The following PTPRD variants were observed in gnomAD, a reference collection of about 807,000 sequenced individuals.
PTPRD encodes protein tyrosine phosphatase receptor type D.
A neutral mutation model predicts 214.5 loss-of-function variants in PTPRD; 34 were observed. The ratio of observed to expected loss-of-function variants is 0.16; its 90% CI spans 0.12 to 0.21. The LOEUF is 0.21. PTPRD is among the 10% of genes least tolerant of loss of function. The pLI is 1.00. For synonymous variants in PTPRD, 1,128 were observed against 845.7 expected (o/e 1.33, Z -5.79); for missense variants, 2,545 against 2,398.7 (o/e 1.06, Z -1.27).
intron 5 of PTPRD, among the ~76,000 whole-genome samples, chr9:9,836,380 T>A (rs1266241493): frequency 1.3e-5 from 2 of 152,128 alleles, no homozygotes; most frequent in East Asian, 1.9e-4. Context: ...TAATCTCTGA[T>A]GGGACTGCTG....
At chr9:9,492,981 G>T (rs2095987425) in intron 8 of PTPRD, among the ~76,000 whole-genome samples, 1 of 146,278 alleles carries the variant, frequency 6.8e-6, no homozygotes, top group African/African-American at 2.6e-5. Flanking sequence ...AATGTATGTG[G>T]TCTGACTGCT....
At chr9:8,935,895 C>A (rs912249211) in intron 11 of PTPRD, among the ~76,000 whole-genome samples, 2 of 152,106 alleles carry the variant, frequency 1.3e-5, no homozygotes, top group African/African-American at 4.8e-5. Context: ...GATTCACAAT[C>A]CTTGTGTCTC....
chr9:8,725,435 G>A lies in PTPRD; in HGVS notation c.64+8345C>T, dbSNP rs565949645. The stretch of plus-strand genomic sequence containing the variant: ...AATAAACATTTATTAATGGGACTGT[G>A]AAAGACATGAATGAGCCAATCAGTC... On this transcript the variant is annotated intron_variant, in intron 12 of 45. Transcript: ENST00000381196. 2.2e-4 allele frequency among the ~76,000 whole-genome samples: 33 copies of A among 152,190 alleles called. No individual in the cohort carries two copies. The South Asian group carries it at 6.2e-3, about 29-fold the overall frequency.
chr9:8,957,496 C>T (rs1242746466), intron 11 of PTPRD, among the ~76,000 whole-genome samples: 1 of 151,774 alleles, frequency 6.6e-6, no homozygotes. Flanking sequence ...CAAAATCAAA[C>T]CCTGTCCACT....
At chr9:10,603,469 G>C (rs906997635) in intron 2 of PTPRD, among the ~76,000 whole-genome samples, 4 of 151,780 alleles carry the variant, frequency 2.6e-5, no homozygotes, top group African/African-American at 9.7e-5. Flanking sequence ...CACTTTTTCT[G>C]CTTTTCATGT....
chr9:8,986,302 A>G (rs1054990901), intron 11 of PTPRD, among the ~76,000 whole-genome samples: 2 of 152,024 alleles, frequency 1.3e-5, no homozygotes, highest in African/African-American at 4.8e-5. Flanking sequence ...CTAAATAGAT[A>G]TTATTTTTTA....
chr9:9,249,780 G>C (rs1371168705), intron 9 of PTPRD, among the ~76,000 whole-genome samples: 1 of 152,072 alleles, frequency 6.6e-6, no homozygotes, highest in East Asian at 1.9e-4. Flanking sequence ...TATTTTGTTT[G>C]AAGCTGATGC....
chr9:8,386,782 T>C (rs2087235590), intron 37 of PTPRD, among the ~76,000 whole-genome samples: 1 of 152,222 alleles, frequency 6.6e-6, no homozygotes, highest in African/African-American at 2.4e-5. Flanking sequence ...AATCCAGGAA[T>C]GCCTTCTCCT....
chr9:9,459,067 G>A (rs192698678), intron 8 of PTPRD, among the ~76,000 whole-genome samples: 38 of 152,178 alleles, frequency 2.5e-4, no homozygotes, highest in African/African-American at 8.7e-4. Flanking sequence ...AGAAGCTGGG[G>A]TGTGGAAAAG....
At chr9:9,771,941 G>A (rs1390646974) in intron 5 of PTPRD, among the ~76,000 whole-genome samples, 2 of 152,060 alleles carry the variant, frequency 1.3e-5, no homozygotes, top group Non-Finnish European at 2.9e-5. Context: ...AAACAGATAA[G>A]CATCATTGTT....
At chr9:9,521,809 C>G (rs1290317562) in intron 8 of PTPRD, among the ~76,000 whole-genome samples, 1 of 152,062 alleles carries the variant, frequency 6.6e-6, no homozygotes, top group South Asian at 2.1e-4. Context: ...TGCACTGCAA[C>G]TATAATGGAC....
chr9:9,894,414 G>A (rs1601264766), intron 5 of PTPRD, among the ~76,000 whole-genome samples: 1 of 151,996 alleles, frequency 6.6e-6, no homozygotes, highest in Non-Finnish European at 1.5e-5. Context: ...TCTACAATTT[G>A]CCTTTAGCTC....
rs559733460 is a variant in PTPRD at position 10,328,408 on chromosome 9, G to A, written c.-545+12555C>T. Among the ~76,000 whole-genome samples, 3 of 151,782 alleles carry A rather than the reference G, an allele frequency of 2.0e-5. No homozygotes were observed. In the South Asian group the frequency reaches 6.2e-4, roughly 32 times the overall value. On this transcript the variant is annotated intron_variant, in intron 3 of 45. Coordinates refer to ENST00000381196, the MANE Select transcript of PTPRD (RefSeq NM_002839.4). Reference sequence around the variant, plus strand: ...GGGGTGCTCTTGCCTTAAAAAGTAAGAGCAGCTTTTTATGGTTTTTCAAGA... The same window carrying A: ...GGGGTGCTCTTGCCTTAAAAAGTAAAAGCAGCTTTTTATGGTTTTTCAAGA...
chr9:9,796,879 T>C (rs989567302), intron 5 of PTPRD, among the ~76,000 whole-genome samples: 3 of 152,076 alleles, frequency 2.0e-5, no homozygotes, highest in African/African-American at 4.8e-5. Flanking sequence ...CTTGATGAGT[T>C]TGGAGAGAAG....
At chr9:9,676,407 G>C (rs995735352) in intron 7 of PTPRD, among the ~76,000 whole-genome samples, 13 of 151,706 alleles carry the variant, frequency 8.6e-5, no homozygotes, top group Non-Finnish European at 1.3e-4. Flanking sequence ...ATAGTTTGCT[G>C]AGAATGATGG....
intron 9 of PTPRD, among the ~76,000 whole-genome samples, chr9:9,384,547 G>C (rs766319374): frequency 1.2e-4 from 18 of 150,850 alleles, no homozygotes; most frequent in Non-Finnish European, 2.4e-4. Context: ...TTCCTTTCAT[G>C]GTCTTGGCAC....
intron 39 of PTPRD, among the ~76,000 whole-genome samples, chr9:8,367,410 G>A (rs1012166854): frequency 6.6e-6 from 1 of 152,132 alleles, no homozygotes; most frequent in African/African-American, 2.4e-5. Context: ...GGGGAAGGGA[G>A]GTGAGGGTGG....
intron 10 of PTPRD, among the ~76,000 whole-genome samples, chr9:9,059,579 C>A (rs1020573122): frequency 3.9e-5 from 6 of 152,174 alleles, no homozygotes; most frequent in African/African-American, 9.6e-5. Context: ...GCTGCTGAAA[C>A]CATTCCTGGA....
chr9:10,376,385 A>G (rs556952980), intron 2 of PTPRD, among the ~76,000 whole-genome samples: 109 of 151,842 alleles, frequency 7.2e-4, no homozygotes, highest in African/African-American at 2.6e-3. Flanking sequence ...TAGAACAAAT[A>G]TGGTTATTTA....
Sources: gnomAD v4.1 joint callset for allele counts (sites outside exome capture counted in the v4.1 genomes callset) on GRCh38, gnomAD v4.1.1 for gene constraint, MANE v1.5 for transcripts, NCBI Gene and HGNC (gene_info 2026-07-23, HGNC 2026-07-21) for gene names.